The following PCDHA6 variants were observed in gnomAD, a reference collection of about 807,000 sequenced individuals.
The protein encoded by PCDHA6 is protocadherin alpha-6.
PCDHA6 carries 55 observed loss-of-function variants against 60.3 expected under a neutral mutation model. That is an observed-to-expected ratio of 0.91 (90% CI 0.73 to 1.14). The LOEUF (loss-of-function observed/expected upper bound fraction) is 1.14. Among genes scored for constraint, PCDHA6 ranks in the 50% most tolerant of loss-of-function variants. The pLI is 0.00. For missense variants in PCDHA6, 1,327 were observed against 1,256.5 expected, an observed-to-expected ratio of 1.06 and a Z score of -0.85; for synonymous variants, 652 against 557.9, an observed-to-expected ratio of 1.17 and a Z score of -2.38.
In PCDHA6 at chr5:140,829,112, T is replaced by A. The variant is rs2150162678; in HGVS notation, c.1021T>A (p.Leu341Met). 31 of 1,612,052 alleles carry A rather than the reference T, an allele frequency of 1.9e-5. No homozygotes were observed. Among genetic ancestry groups the A allele is most frequent in the Non-Finnish European group, 1.7e-6 (2 of 1,178,242 alleles). The change falls in exon 1 of 4, where the codon TTG (leucine) becomes ATG (methionine). Residue 341 changes from leucine to methionine, a missense_variant. By Grantham distance (15) the Leu-to-Met change is conservative (BLOSUM62 2). Coordinates refer to ENST00000529310, the MANE Select transcript of PCDHA6 (RefSeq NM_018909.4). Reference protein sequence around the residue: ...AGHCTVLVRILDKNDNVPEIA... With the variant: ...AGHCTVLVRIMDKNDNVPEIA... ...TCATTGCACCGTTTTAGTGAGAATT[T>A]TGGATAAAAATGATAACGTCCCTGA...
chr5:140,875,738 G>T lies in PCDHA6; in HGVS notation c.2394+45253G>T, dbSNP rs1197047985. 12 of 1,614,086 alleles carry T rather than the reference G, an allele frequency of 7.4e-6. No homozygotes were observed. The highest frequency in any genetic ancestry group is 3.3e-5 in the Admixed American group (2 of 60,008). ...AATGGCATTTTGTTTGTGAATTCTC[G>T]GATCGACCGCGAGAAGCTGTGCGGG... On this transcript the variant is annotated intron_variant, in intron 1 of 3. Coordinates refer to ENST00000529310, the MANE Select transcript of PCDHA6 (RefSeq NM_018909.4).
chr5:140,877,592 T>G, intron 1 of PCDHA6: 1 of 1,613,812 alleles, frequency 6.2e-7, no homozygotes, highest in South Asian at 1.1e-5. Flanking sequence ...ATCTGTGCGG[T>G]GTCCAGCCTG....
intron 1 of PCDHA6, chr5:140,842,749 G>T (rs2150343608): frequency 5.6e-6 from 9 of 1,594,902 alleles, no homozygotes; most frequent in African/African-American, 5.4e-5. Flanking sequence ...ACATCTTCAC[G>T]GTGTCTGCGC....
chr5:140,933,734 T>C (rs1355766834), intron 1 of PCDHA6, among the ~76,000 whole-genome samples: 2 of 152,062 alleles, frequency 1.3e-5, no homozygotes, highest in Admixed American at 6.5e-5. Flanking sequence ...CTTTCTTAAA[T>C]ATTTGGTAGA....
chr5:140,896,564 A>G (rs1475217228), intron 1 of PCDHA6, among the ~76,000 whole-genome samples: 1 of 150,096 alleles, frequency 6.7e-6, no homozygotes, highest in African/African-American at 2.5e-5. Flanking sequence ...TTAAGTAGAG[A>G]TGGGGTTTTG....
At chr5:141,003,087 G>A (rs894210434) in intron 3 of PCDHA6, among the ~76,000 whole-genome samples, 4 of 152,198 alleles carry the variant, frequency 2.6e-5, no homozygotes, top group Non-Finnish European at 5.9e-5. Flanking sequence ...AGTTTAACAG[G>A]CCTGGCATTT....
chr5:140,835,857 T>C (rs2150246774), intron 1 of PCDHA6: 3 of 1,612,210 alleles, frequency 1.9e-6, no homozygotes, highest in Non-Finnish European at 8.5e-7. Flanking sequence ...GCTGGTGTCC[T>C]ACTCGCTGGT....
intron 1 of PCDHA6, chr5:140,841,800 C>T (rs2150322954): frequency 6.2e-7 from 1 of 1,613,890 alleles, no homozygotes. Context: ...GCGTCCGATG[C>T]AGATGTTGGA....
chr5:140,835,773 G>T (rs2150244448), intron 1 of PCDHA6: 8 of 1,613,392 alleles, frequency 5.0e-6, no homozygotes, highest in Non-Finnish European at 6.8e-6. Context: ...TACGGTGTTC[G>T]TGAAGGAGAA....
chr5:140,943,640 A>G (rs1288085106), intron 1 of PCDHA6, among the ~76,000 whole-genome samples: 1 of 152,224 alleles, frequency 6.6e-6, no homozygotes, highest in African/African-American at 2.4e-5. Context: ...TGGATTATGG[A>G]TAAAACCATC....
chr5:140,862,757 GC>G (rs1554156930), intron 1 of PCDHA6: 4 of 579,248 alleles, frequency 6.9e-6, no homozygotes, highest in African/African-American at 1.9e-5. Flanking sequence ...GCGGAGAGCG[GC>G]AAGAGGTACG....
At chr5:140,875,264 C>T (rs1017689371) in intron 1 of PCDHA6, 10 of 1,189,206 alleles carry the variant, frequency 8.4e-6, no homozygotes, top group Non-Finnish European at 1.0e-5. Flanking sequence ...TGATGTCGCT[C>T]TACACTCAGA....
At chr5:140,918,042 A>C (rs1363704503) in intron 1 of PCDHA6, among the ~76,000 whole-genome samples, 1 of 152,088 alleles carries the variant, frequency 6.6e-6, no homozygotes, top group African/African-American at 2.4e-5. Flanking sequence ...AGGTCTTTCC[A>C]TTTGTTTTAT....
At chr5:140,870,810 T>C in intron 1 of PCDHA6, 2 of 1,613,710 alleles carry the variant, frequency 1.2e-6, no homozygotes, top group South Asian at 1.1e-5. Context: ...CGACTCAGGC[T>C]GGCAGCGCGG....
At chr5:140,883,577 G>A (rs782633953) in intron 1 of PCDHA6, 3 of 1,614,052 alleles carry the variant, frequency 1.9e-6, no homozygotes, top group Non-Finnish European at 2.5e-6. Context: ...TTCGCTGTGG[G>A]CCACGGCCAG....
chr5:140,858,279 G>C, intron 1 of PCDHA6: 1 of 1,597,396 alleles, frequency 6.3e-7, no homozygotes, highest in Non-Finnish European at 8.6e-7. Context: ...AGCGCGGTGG[G>C]GAGCTGGTCT....
chr5:140,870,825 C>A (rs1554164734), intron 1 of PCDHA6: 6 of 1,613,726 alleles, frequency 3.7e-6, no homozygotes, highest in East Asian at 2.2e-5. Flanking sequence ...GCGCGGGAGG[C>A]GCAGTTAACA....
In PCDHA6 at chr5:140,997,121, A is replaced by G. The variant is rs138556400; in HGVS notation, c.2543-12506A>G. On this transcript the variant is annotated intron_variant, in intron 3 of 3. Transcript: ENST00000529310. ...CTCATGCACTCCTGCTCTCCCACAT[A>G]CACAATGCCCCCACACCCCCGCCAC... 2.1e-4 allele frequency among the ~76,000 whole-genome samples: 32 copies of G among 152,152 alleles called. No individual in the cohort carries two copies. The East Asian group carries it at 5.8e-3, about 28-fold the overall frequency.
At chr5:140,842,161 T>C in intron 1 of PCDHA6, 1 of 1,613,884 alleles carries the variant, frequency 6.2e-7, no homozygotes. Flanking sequence ...TTTCATATTC[T>C]TTTAATAGCC....
Sources: gnomAD v4.1 joint callset for allele counts (sites outside exome capture counted in the v4.1 genomes callset) on GRCh38, gnomAD v4.1.1 for gene constraint, MANE v1.5 for transcripts, NCBI Gene and HGNC (gene_info 2026-07-23, HGNC 2026-07-21) for gene names.